Variants in RNF130 observed in about 807,000 individuals in gnomAD.
RNF130 encodes the protein E3 ubiquitin-protein ligase RNF130.
RNF130 carries 21 observed loss-of-function variants against 44.6 expected under a neutral mutation model. The observed-to-expected ratio is 0.47, with a 90% CI of 0.33 to 0.68. The LOEUF (loss-of-function observed/expected upper bound fraction) is 0.68, where lower values mean the gene tolerates loss of function less well. Among genes scored for constraint, RNF130 ranks in the 30% least tolerant of loss-of-function variants. The pLI is 0.02. For synonymous variants in RNF130, 214 were observed against 210.4 expected (o/e 1.02, Z -0.15); for missense variants, 479 against 560.6 (o/e 0.85, Z 1.47).
chr5:179,938,993 C>G (rs994826252), intron 7 of RNF130, among the ~76,000 whole-genome samples: 2 of 152,158 alleles, frequency 1.3e-5, no homozygotes, highest in Admixed American at 1.3e-4. Flanking sequence ...CTTTGCGAGG[C>G]TGAGGTGGGC....
chr5:179,969,327 C>T (rs1310397996), intron 6 of RNF130, among the ~76,000 whole-genome samples: 1 of 151,850 alleles, frequency 6.6e-6, no homozygotes, highest in African/African-American at 2.4e-5. Context: ...TCTCCTTGGG[C>T]TCCAGTCACT....
intron 1 of RNF130, among the ~76,000 whole-genome samples, chr5:180,056,257 A>AC (rs900431649): frequency 2.0e-4 from 30 of 152,156 alleles, no homozygotes; most frequent in East Asian, 1.4e-3. Context: ...TGTGGGGAAA[A>AC]AAAAAAAAAC....
At chr5:179,961,857 G>T (rs1043032113) in intron 8 of RNF130, among the ~76,000 whole-genome samples, 6 of 152,294 alleles carry the variant, frequency 3.9e-5, no homozygotes, top group African/African-American at 1.4e-4. Flanking sequence ...ATGGTCATCT[G>T]ACTCACACAA....
downstream of RNF130, among the ~76,000 whole-genome samples, chr5:179,952,809 T>C (rs898890849): frequency 2.6e-5 from 4 of 152,162 alleles, no homozygotes; most frequent in Admixed American, 6.5e-5. Context: ...ATAAAAACGT[T>C]CAATAAGCTA....
At chr5:179,989,710 A>T (rs1763036055) in intron 3 of RNF130, among the ~76,000 whole-genome samples, 1 of 152,088 alleles carries the variant, frequency 6.6e-6, no homozygotes, top group African/African-American at 2.4e-5. Context: ...GGAGCATTTG[A>T]TCCATTTAGG....
At chr5:179,965,047 TTA>T (rs1399466397) in intron 7 of RNF130, among the ~76,000 whole-genome samples, 7 of 152,234 alleles carry the variant, frequency 4.6e-5, no homozygotes, top group African/African-American at 1.7e-4. Flanking sequence ...TTGGAGACTT[TTA>T]TATATGATAT....
chr5:179,988,844 TG>T (rs1204459653), intron 3 of RNF130, among the ~76,000 whole-genome samples: 3 of 152,226 alleles, frequency 2.0e-5, no homozygotes, highest in Non-Finnish European at 4.4e-5. Context: ...TTGAGGAAAA[TG>T]TGTATTCTGC....
At chr5:179,939,673 C>T in intron 7 of RNF130, 1 of 457,620 alleles carries the variant, frequency 2.2e-6, no homozygotes, top group South Asian at 1.8e-5. Flanking sequence ...ACCTAGTGAT[C>T]CAAATGAAGA....
intron 2 of RNF130, among the ~76,000 whole-genome samples, chr5:180,021,789 C>T (rs1176978583): frequency 1.3e-5 from 2 of 152,100 alleles, no homozygotes. Context: ...CATAATACAA[C>T]CCCCAAATAA....
At chr5:180,024,350 C>T (rs1763943239) in intron 2 of RNF130, among the ~76,000 whole-genome samples, 1 of 152,190 alleles carries the variant, frequency 6.6e-6, no homozygotes, top group Non-Finnish European at 1.5e-5. Flanking sequence ...ATTAACATGT[C>T]ACATGGTACC....
chr5:180,024,614 T>A (rs1763947232), intron 2 of RNF130, among the ~76,000 whole-genome samples: 1 of 152,120 alleles, frequency 6.6e-6, no homozygotes, highest in East Asian at 1.9e-4. Flanking sequence ...AAAGACACTT[T>A]CGGATAAATA....
chr5:179,953,075 A>C (rs2113690611), downstream of RNF130, among the ~76,000 whole-genome samples: 1 of 152,278 alleles, frequency 6.6e-6, no homozygotes, highest in South Asian at 2.1e-4. Context: ...TACAGATGAC[A>C]TGATCTTGTA....
chr5:179,932,115 T>A (rs1289284156), intron 7 of RNF130, among the ~76,000 whole-genome samples: 2 of 152,214 alleles, frequency 1.3e-5, no homozygotes, highest in African/African-American at 4.8e-5. Flanking sequence ...GCTCCCCTTT[T>A]GTACCATTAA....
At position 179,961,363 on chromosome 5, in the gene RNF130, C is replaced by T. The variant is rs3797771; in HGVS notation, c.1244+2108G>A. On this transcript the variant is annotated intron_variant, in intron 8 of 8. Transcript: ENST00000521389. ...GAGCAACTGTGAAATCAACCCTCTACAACTGCTAATGGGAGAAGGGTTGAA... is the reference window on the plus strand; with the variant it reads ...GAGCAACTGTGAAATCAACCCTCTATAACTGCTAATGGGAGAAGGGTTGAA... Among the ~76,000 whole-genome samples, 1,050 of 152,302 alleles carry T rather than the reference C, an allele frequency of 6.9e-3. 17 individuals are homozygous for T. In the East Asian group the frequency reaches 0.076, roughly 11 times the overall value.
intron 1 of RNF130, among the ~76,000 whole-genome samples, chr5:180,070,281 A>G (rs1765218181): frequency 6.6e-6 from 1 of 152,212 alleles, no homozygotes. Context: ...TTTTTAACAC[A>G]GTAGAGATGA....
chr5:179,965,939 C>T (rs976677098), intron 7 of RNF130, among the ~76,000 whole-genome samples: 18 of 152,154 alleles, frequency 1.2e-4, no homozygotes, highest in Non-Finnish European at 8.8e-5. Flanking sequence ...GGAGAAGGGT[C>T]CCACGAGCCT....
chr5:179,942,064 TG>T (rs1373382057), intron 7 of RNF130, among the ~76,000 whole-genome samples: 1 of 151,958 alleles, frequency 6.6e-6, no homozygotes, highest in African/African-American at 2.4e-5. Flanking sequence ...CTTCACATCA[TG>T]CCAATAAATA....
intron 2 of RNF130, among the ~76,000 whole-genome samples, chr5:180,038,416 T>G (rs940633181): frequency 6.6e-6 from 1 of 150,452 alleles, no homozygotes; most frequent in Non-Finnish European, 1.5e-5. Flanking sequence ...GTTTTGTTTT[T>G]TTTTTTATTT....
chr5:180,067,311 A>G (rs1765130775), intron 1 of RNF130, among the ~76,000 whole-genome samples: 1 of 152,204 alleles, frequency 6.6e-6, no homozygotes, highest in African/African-American at 2.4e-5. Context: ...CATTGTACAC[A>G]TTAAGATCTT....
Sources: gnomAD v4.1 joint callset for allele counts (sites outside exome capture counted in the v4.1 genomes callset) on GRCh38, gnomAD v4.1.1 for gene constraint, MANE v1.5 for transcripts, NCBI Gene and HGNC (gene_info 2026-07-23, HGNC 2026-07-21) for gene names.